Variants in ADH1B observed in about 807,000 individuals in gnomAD.
ADH1B encodes alcohol dehydrogenase 1B (class I), beta polypeptide, also known as all-trans-retinol dehydrogenase [NAD(+)] ADH1B.
ADH1B carries 29 observed loss-of-function variants against 34.6 expected under a neutral mutation model. The observed-to-expected ratio is 0.84, with a 90% CI of 0.62 to 1.14. The LOEUF (loss-of-function observed/expected upper bound fraction) is 1.14, where lower values mean the gene tolerates loss of function less well. ADH1B is among the 50% of genes most tolerant of loss of function. The pLI is 0.00. For missense variants in ADH1B, 424 were observed against 468.4 expected, an observed-to-expected ratio of 0.91 and a Z score of 0.87; for synonymous variants, 170 against 175.5, an observed-to-expected ratio of 0.97 and a Z score of 0.25.
At chr4:99,316,917 C>T (rs1360599638) in intron 3 of ADH1B, 1 of 151,686 alleles carries the variant, frequency 6.6e-6, no homozygotes, top group East Asian at 1.9e-4. Context: ...TTCAGCTCTT[C>T]ACAACAAGTT....
chr4:99,311,741 A>G, intron 6 of ADH1B, 85 bp from the exon 7 acceptor site: 3 of 1,551,008 alleles, frequency 1.9e-6, no homozygotes, highest in Non-Finnish European at 2.6e-6. Flanking sequence ...AATAGGCTTA[A>G]CTGGATTGTG....
rs762025480 is a variant in ADH1B at position 99,307,843 on chromosome 4, A to G, written c.1125T>C (p.Phe375=). The G allele has an allele frequency of 8.7e-6, 14 of 1,613,856 alleles. No individual in the cohort carries two copies. In the African/African-American group the frequency reaches 1.9e-4, roughly 22 times the overall value. The change falls in exon 9 of 9, where the codon TTT becomes TTC. Residue 375 remains phenylalanine, a synonymous_variant. Transcript: ENST00000305046. ...SGKSIRTVLT[F] ...AGGGGAAGGCATCTCTATTGCCTCA[A>G]AACGTCAGGACGGTACGGATACTGC...
At position 99,305,581 on chromosome 4, in the gene ADH1B, A is replaced by ATG. The variant is rs1733591814; in HGVS notation, c.*2258_*2259insCA. The ATG allele has an allele frequency of 5.4e-5, 5 of 91,916 alleles. No homozygotes were observed. The highest frequency in any genetic ancestry group is 1.9e-4 in the African/African-American group (5 of 25,964). 5.7% of individuals were successfully genotyped at this position (91,916 alleles called of 1,614,324 possible). ...ATAGTGTATATATATATATATATAT[A>ATG]TATATATATATATATATATATATAT... On this transcript the variant is annotated 3_prime_UTR_variant, in exon 9 of 9. Coordinates refer to ENST00000305046, the MANE Select transcript of ADH1B (RefSeq NM_000668.6).
intron 3 of ADH1B, chr4:99,316,798 T>C (rs1733896700): frequency 1.3e-5 from 2 of 152,074 alleles, no homozygotes; most frequent in African/African-American, 4.8e-5. Flanking sequence ...TCAAAGTGAC[T>C]ATGCTTATCT....
In ADH1B at chr4:99,318,116, AG is replaced by A. The variant is rs1297701077; in HGVS notation, c.188del (p.Pro63LeufsTer2). On this transcript the variant is annotated frameshift_variant, in exon 3 of 9. Coordinates refer to ENST00000305046, the MANE Select transcript of ADH1B (RefSeq NM_000668.6). LOFTEE classifies it high-confidence loss of function. ...VVSGNLVTPL[P>X]VILGHEAAGI... is the part of the protein sequence containing the mutation. ...CGGCTGCCTCATGGCCTAAAATCAC[AG>A]GAAGGGGGGTCACCAGGTTGCCACT... 5 of 1,613,920 alleles carry A rather than the reference AG, an allele frequency of 3.1e-6. No homozygotes were observed. The highest frequency in any genetic ancestry group is 4.2e-6 in the Non-Finnish European group (5 of 1,179,992).
rs571907027 is a variant in ADH1B, at chr4:99,306,487, C to T, written c.*1353G>A. 6.6e-6 allele frequency: 1 copy of T among 152,310 alleles called. No homozygotes were observed. Among genetic ancestry groups the T allele is most frequent in the South Asian group, 2.1e-4 (1 of 4,822 alleles). 9.4% of individuals were successfully genotyped at this position (152,310 alleles called of 1,614,324 possible). On this transcript the variant is annotated 3_prime_UTR_variant, in exon 9 of 9. Coordinates refer to ENST00000305046, the MANE Select transcript of ADH1B (RefSeq NM_000668.6). ...AAGCTCAGAGAGCCTGAGAGACTTA[C>T]TGAAGATCACACAGTAAATGATAAA...
intron 5 of ADH1B, chr4:99,315,537 C>G: frequency 3.1e-6 from 1 of 327,144 alleles, no homozygotes; most frequent in Non-Finnish European, 5.8e-6. Context: ...CGCTTCATTT[C>G]ATTTACTTTT....
At chr4:99,318,304 T>TCAA in intron 2 of ADH1B, 120 bp from the exon 3 acceptor site, 2 of 1,297,306 alleles carry the variant, frequency 1.5e-6, no homozygotes, top group Non-Finnish European at 2.2e-6. Flanking sequence ...TACTAATCCC[T>TCAA]ACTATTCCTA....
At position 99,305,095 on chromosome 4, in the gene ADH1B, G is replaced by A. The variant is rs915916227; in HGVS notation, c.*2745C>T. ...CCATCATTGTTCATTTTCCTCTTTG[G>A]TTGTCTATTTTTAAATGAAAAAGCA... is the stretch of plus-strand genomic sequence containing the variant. On this transcript the variant is annotated 3_prime_UTR_variant, in exon 9 of 9. Coordinates refer to ENST00000305046, the MANE Select transcript of ADH1B (RefSeq NM_000668.6). The A allele has an allele frequency of 4.0e-5, 6 of 150,384 alleles. No individual in the cohort carries two copies. The highest frequency in any genetic ancestry group is 7.4e-5 in the Non-Finnish European group (5 of 67,668). The allele number at this position is 150,384 out of a possible 1,614,324, so 9.3% of individuals were successfully genotyped here.
In ADH1B at chr4:99,307,756, TA is replaced by T; in HGVS notation, c.*83del. On this transcript the variant is annotated 3_prime_UTR_variant, in exon 9 of 9. Coordinates refer to ENST00000305046, the MANE Select transcript of ADH1B (RefSeq NM_000668.6). The stretch of plus-strand genomic sequence containing the variant: ...TGATAACATCTCTGAAGAGCTGAAT[TA>T]ATGATATTTCCTAGCTGTTGCTCCA... The T allele has an allele frequency of 6.7e-7, 1 of 1,490,374 alleles. No individual in the cohort carries two copies. Among genetic ancestry groups the T allele is most frequent in the Non-Finnish European group, 9.3e-7 (1 of 1,069,808 alleles). 92.3% of individuals were successfully genotyped at this position (1,490,374 alleles called of 1,614,324 possible).
intron 3 of ADH1B, chr4:99,316,518 A>C: frequency 1.7e-6 from 1 of 591,230 alleles, no homozygotes; most frequent in Non-Finnish European, 3.0e-6. Flanking sequence ...GAAATCGCAA[A>C]TGTGGGAGAC....
Position 99,307,687 on chromosome 4 carries a change from C to T in ADH1B, c.*153G>A. ...TTAAATTTTCCTGAAAAATAATTTC[C>T]CATCAATTTCCATTTCTTTGGAAAG... On this transcript the variant is annotated 3_prime_UTR_variant, in exon 9 of 9. Transcript: ENST00000305046. 1.1e-6 allele frequency: 1 copy of T among 905,406 alleles called. No homozygotes were observed. 56.1% of individuals were successfully genotyped at this position (905,406 alleles called of 1,614,324 possible). A position where few individuals can be genotyped will look rare whatever the true frequency, so the allele number is the denominator to read the frequency against.
chr4:99,310,897 T>C lies in ADH1B; in HGVS notation c.971A>G (p.Lys324Arg), dbSNP rs1442833744. ...AAGTTTTGGGATACCTTCTTTACTC[T>C]TAAAGCCTGAAAAGAAGACAGTATC... ...TWKGAVYGGF[K>R]SKEGIPKLVA... is the part of the protein sequence containing the mutation. Residue 324 changes from lysine (K) to arginine (R), a missense_variant, in exon 8 of 9, where the codon AAG becomes AGG. Transcript: ENST00000305046. 6.2e-7 allele frequency: 1 copy of C among 1,612,498 alleles called. No individual in the cohort carries two copies. The highest frequency in any genetic ancestry group is 8.5e-7 in the Non-Finnish European group (1 of 1,179,450).
chr4:99,307,886 A>G, intron 8 of ADH1B, 22 bp from the exon 9 acceptor site: 3 of 1,613,910 alleles, frequency 1.9e-6, no homozygotes, highest in Non-Finnish European at 2.5e-6. Context: ...AAGAAGAGAC[A>G]TTGTGTTAAC....
rs543001990 is a variant in ADH1B at position 99,314,220 on chromosome 4, G to A, written c.568-139C>T. 4.4e-6 allele frequency: 6 copies of A among 1,352,558 alleles called. No homozygotes were observed. The South Asian group carries it at 5.9e-5, about 13-fold the overall frequency. 83.8% of individuals were successfully genotyped at this position (1,352,558 alleles called of 1,614,324 possible). On this transcript the variant is annotated intron_variant, in intron 5 of 8. Coordinates refer to ENST00000305046, the MANE Select transcript of ADH1B (RefSeq NM_000668.6). ...CAACCGTTTATCAAAACCTCTTTTG[G>A]CTTCAGTTGCTTTATTTTTAAATTC...
At chr4:99,315,449 G>A (rs34689791) in intron 5 of ADH1B, 1 of 213,190 alleles carries the variant, frequency 4.7e-6, no homozygotes, top group Admixed American at 5.3e-5. Flanking sequence ...AGGTGCATCA[G>A]GTAAGGTTTT....
chr4:99,313,722 A>G, intron 6 of ADH1B, 99 bp downstream of exon 6: 1 of 1,578,454 alleles, frequency 6.3e-7, no homozygotes, highest in Non-Finnish European at 8.6e-7. Context: ...TCCATTCATC[A>G]TTAAAAATAT....
rs990984385 is a variant in ADH1B at position 99,307,694 on chromosome 4, T to G, written c.*146A>C. 3 of 966,146 alleles carry G rather than the reference T, an allele frequency of 3.1e-6. No individual in the cohort carries two copies. Among genetic ancestry groups the G allele is most frequent in the Non-Finnish European group, 4.7e-6 (3 of 639,698 alleles). The allele number at this position is 966,146 out of a possible 1,614,324, so 59.8% of individuals were successfully genotyped here. Reference sequence around the variant, plus strand: ...TTCCTGAAAAATAATTTCCCATCAATTTCCATTTCTTTGGAAAGCCCCCAT... The same window carrying G: ...TTCCTGAAAAATAATTTCCCATCAAGTTCCATTTCTTTGGAAAGCCCCCAT... On this transcript the variant is annotated 3_prime_UTR_variant, in exon 9 of 9. Transcript: ENST00000305046.
intron 1 of ADH1B, chr4:99,320,392 CAG>C (rs1733992521): frequency 6.6e-6 from 1 of 152,554 alleles, no homozygotes; most frequent in Non-Finnish European, 1.5e-5. Flanking sequence ...TCACACAATG[CAG>C]AGAGAAGCCT....
Sources: allele counts gnomAD v4.1 joint callset, GRCh38; gene constraint gnomAD v4.1.1; transcripts MANE v1.5; gene names NCBI Gene and HGNC (gene_info 2026-07-23, HGNC 2026-07-21).